The following ATRN variants were observed in gnomAD, a reference collection of about 807,000 sequenced individuals.
ATRN encodes the protein attractin-2.
ATRN carries 54 observed loss-of-function variants against 178.7 expected under a neutral mutation model. The ratio of observed to expected loss-of-function variants is 0.30; its 90% CI spans 0.24 to 0.38. The LOEUF is 0.38. Among genes scored for constraint, ATRN ranks in the 10% least tolerant of loss-of-function variants. The pLI, the probability that ATRN is intolerant of heterozygous loss-of-function variation, is 1.00. For synonymous variants in ATRN, 636 were observed against 663.0 expected (o/e 0.96, Z 0.63); for missense variants, 1,443 against 1,815.1 (o/e 0.79, Z 3.73).
In ATRN at chr20:3,549,225, A is replaced by G. The variant is rs1455083203; in HGVS notation, c.999A>G (p.Glu333=). ...ACCAGTCATTTTGGACTCGAGAGGA[A>G]TATTCTAACTTAAAGCTCCCCAGAG... ...PANQSFWTRE[E]YSNLKLPRAS... The change falls in exon 6 of 29, where the codon GAA becomes GAG. Residue 333 remains glutamate (E), a synonymous_variant. Transcript: ENST00000262919. 22 of 1,611,128 alleles carry G rather than the reference A, an allele frequency of 1.4e-5. No homozygotes were observed. Among genetic ancestry groups the G allele is most frequent in the Non-Finnish European group, 1.8e-5 (21 of 1,178,912 alleles).
intron 23 of ATRN, among the ~76,000 whole-genome samples, chr20:3,601,759 G>C (rs1259536707): frequency 5.4e-5 from 8 of 149,392 alleles, no homozygotes; most frequent in African/African-American, 2.5e-5. Context: ...AACTACTCAG[G>C]AGGCTGAGAT....
intron 24 of ATRN, among the ~76,000 whole-genome samples, chr20:3,619,128 C>A (rs1161100014): frequency 6.6e-6 from 1 of 152,190 alleles, no homozygotes. Flanking sequence ...TTTCTCGGAG[C>A]CTGACAGGTG....
intron 1 of ATRN, among the ~76,000 whole-genome samples, chr20:3,479,461 C>G (rs1381949497): frequency 1.3e-5 from 2 of 152,174 alleles, no homozygotes; most frequent in Non-Finnish European, 2.9e-5. Context: ...GAAGACATCA[C>G]AGAAGAGAGG....
intron 11 of ATRN, among the ~76,000 whole-genome samples, chr20:3,571,714 A>G (rs1356971311): frequency 6.6e-6 from 1 of 152,168 alleles, no homozygotes; most frequent in Non-Finnish European, 1.5e-5. Context: ...GCCCCGCTCT[A>G]TGTTAGGGAT....
chr20:3,561,644 A>G (rs2085954640), intron 8 of ATRN, among the ~76,000 whole-genome samples: 4 of 152,190 alleles, frequency 2.6e-5, no homozygotes, highest in Admixed American at 2.6e-4. Flanking sequence ...TACCAGGTAT[A>G]ATTAACATTT....
At chr20:3,507,049 TTTTG>T (rs2085054623) in intron 1 of ATRN, among the ~76,000 whole-genome samples, 1 of 150,066 alleles carries the variant, frequency 6.7e-6, no homozygotes, top group African/African-American at 2.4e-5. Flanking sequence ...TGCCGGGAGG[TTTTG>T]TTTTTTTTTT....
intron 3 of ATRN, among the ~76,000 whole-genome samples, chr20:3,542,411 G>A (rs2085635176): frequency 6.6e-6 from 1 of 152,112 alleles, no homozygotes; most frequent in South Asian, 2.1e-4. Context: ...AACAGTGGTA[G>A]CGGTGGTAGA....
In ATRN at chr20:3,514,917, A is replaced by G. The variant is rs542459050; in HGVS notation, c.411-20336A>G. Among the ~76,000 whole-genome samples the G allele has an allele frequency of 5.3e-5, 8 of 152,334 alleles. 1 individual carries two copies. Among genetic ancestry groups the G allele is most frequent in the African/African-American group, 1.7e-4 (7 of 41,574 alleles). On this transcript the variant is annotated intron_variant, in intron 1 of 28. Transcript: ENST00000262919. Reference sequence around the variant, plus strand: ...GGCCGCAGTGAGCCATGATCCCACCACTGCATTCCAGCCTTGGTGACAAAG... The same window carrying G: ...GGCCGCAGTGAGCCATGATCCCACCGCTGCATTCCAGCCTTGGTGACAAAG...
chr20:3,597,812 A>G, intron 21 of ATRN, 94 bp from the exon 22 acceptor site: 3 of 743,702 alleles, frequency 4.0e-6, no homozygotes, highest in East Asian at 2.5e-5. Context: ...TTTCCTCGTT[A>G]CTTAATTTAT....
intron 12 of ATRN, among the ~76,000 whole-genome samples, chr20:3,573,960 A>C (rs1047752317): frequency 1.3e-5 from 2 of 151,686 alleles, no homozygotes; most frequent in Non-Finnish European, 2.9e-5. Flanking sequence ...CTGGTCTGGA[A>C]CTCCTGACCT....
chr20:3,638,563 G>A lies in ATRN; in HGVS notation c.3943-265G>A, dbSNP rs954422748. ...GCATTTGGGTTGGTTCTAAGTCTTC[G>A]CTACTGTAAATAGTGCTGCAATAAA... is the stretch of plus-strand genomic sequence containing the variant. On this transcript the variant is annotated intron_variant, in intron 26 of 28. Transcript: ENST00000262919. The surrounding 1 kb of genome is among the most constrained non-coding windows in gnomAD (Gnocchi z 4.5). Among the ~76,000 whole-genome samples the A allele has an allele frequency of 1.3e-5, 2 of 152,092 alleles. No individual in the cohort carries two copies. Among genetic ancestry groups the A allele is most frequent in the Non-Finnish European group, 2.9e-5 (2 of 68,034 alleles).
chr20:3,535,605 A>C (rs2085519296), intron 2 of ATRN, among the ~76,000 whole-genome samples: 1 of 147,498 alleles, frequency 6.8e-6, no homozygotes. Context: ...ACACACACAC[A>C]CACACACACA....
intron 18 of ATRN, among the ~76,000 whole-genome samples, chr20:3,590,549 C>G (rs1031728308): frequency 1.3e-5 from 2 of 152,090 alleles, no homozygotes; most frequent in African/African-American, 4.8e-5. Context: ...TCTTAGTAAT[C>G]CCACTTGTGG....
intron 24 of ATRN, among the ~76,000 whole-genome samples, chr20:3,617,914 C>A (rs1245723680): frequency 6.6e-6 from 1 of 152,148 alleles, no homozygotes; most frequent in African/African-American, 2.4e-5. Context: ...AACTCCCTCT[C>A]CCTCAAACCA....
chr20:3,582,086 T>TA, intron 15 of ATRN, 49 bp from the exon 16 acceptor site: 1 of 1,534,068 alleles, frequency 6.5e-7, no homozygotes, highest in Non-Finnish European at 9.0e-7. Flanking sequence ...AAATTTAAAT[T>TA]AAAAAAAGAT....
At chr20:3,483,355 C>CT (rs200210268) in intron 1 of ATRN, among the ~76,000 whole-genome samples, 114 of 151,470 alleles carry the variant, frequency 7.5e-4, no homozygotes, top group African/African-American at 2.5e-3. Flanking sequence ...CAATTACATT[C>CT]TTTTTTTTTG....
At chr20:3,634,489 C>T (rs976512331) in intron 26 of ATRN, 100 bp downstream of exon 26, 2 of 1,006,648 alleles carry the variant, frequency 2.0e-6, no homozygotes, top group African/African-American at 3.2e-5. Context: ...TGATAATGGA[C>T]AGACAGACAT....
intron 27 of ATRN, among the ~76,000 whole-genome samples, chr20:3,639,930 C>T (rs922119693): frequency 5.3e-5 from 8 of 152,126 alleles, no homozygotes; most frequent in East Asian, 1.9e-4. Flanking sequence ...AGAAAAACAT[C>T]TTCAATTCAG....
chr20:3,554,885 A>C (rs1204624245), intron 6 of ATRN, among the ~76,000 whole-genome samples: 1 of 152,090 alleles, frequency 6.6e-6, no homozygotes, highest in Non-Finnish European at 1.5e-5. Context: ...GTTTAAAAAA[A>C]AATAGTAAGA....
Sources: gnomAD v4.1 joint callset for allele counts (sites outside exome capture counted in the v4.1 genomes callset) on GRCh38, gnomAD v4.1.1 for gene constraint, Gnocchi (gnomAD v3.1) non-coding constraint, MANE v1.5 for transcripts, NCBI Gene and HGNC (gene_info 2026-07-23, HGNC 2026-07-21) for gene names.